The following ADRA1A variants were observed in gnomAD, a reference collection of about 807,000 sequenced individuals.
ADRA1A encodes adrenoceptor alpha 1A.
ADRA1A carries 31 observed loss-of-function variants against 29.6 expected under a neutral mutation model. The observed-to-expected ratio is 1.05, with a 90% CI of 0.79 to 1.41. ADRA1A has a LOEUF of 1.41. Among genes scored for constraint, ADRA1A ranks in the 40% most tolerant of loss-of-function variants. The probability of loss-of-function intolerance (pLI) is 0.00; values close to 1 mark genes in which losing one functional copy is unlikely to be tolerated. For missense variants in ADRA1A, 619 were observed against 601.1 expected (o/e 1.03, Z -0.31); for synonymous variants, 311 against 254.3 (o/e 1.22, Z -2.12).
In ADRA1A at chr8:26,822,521, C is replaced by T. The variant is rs577982074; in HGVS notation, c.883+41566G>A. Among the ~76,000 whole-genome samples the T allele has an allele frequency of 3.7e-4, 57 of 152,244 alleles. 1 individual carries two copies. The South Asian group carries it at 0.011, about 28-fold the overall frequency. On this transcript the variant is annotated intron_variant, in intron 2 of 2. Transcript: ENST00000380573. ...CAGACAGCACAGATTTACATTCTTA[C>T]AAAATGAAGATTACAATAATCCTCA... is the stretch of plus-strand genomic sequence containing the variant.
At chr8:26,830,572 G>A (rs545176182) in intron 2 of ADRA1A, among the ~76,000 whole-genome samples, 5 of 152,246 alleles carry the variant, frequency 3.3e-5, no homozygotes, top group Admixed American at 3.3e-4. Flanking sequence ...AACCAAAGAC[G>A]GTTTGGCTAG....
intron 2 of ADRA1A, among the ~76,000 whole-genome samples, chr8:26,781,905 G>A (rs1048266426): frequency 1.3e-5 from 2 of 152,226 alleles, no homozygotes; most frequent in Admixed American, 6.5e-5. Flanking sequence ...TTGCCAGAAA[G>A]GACACAGGTG....
intron 2 of ADRA1A, among the ~76,000 whole-genome samples, chr8:26,789,142 C>T (rs1466589011): frequency 6.6e-6 from 1 of 151,826 alleles, no homozygotes; most frequent in African/African-American, 2.4e-5. Flanking sequence ...TGATGTTCCC[C>T]TAAATTGTTT....
At chr8:26,779,810 C>T (rs1293850531) in intron 2 of ADRA1A, among the ~76,000 whole-genome samples, 3 of 152,110 alleles carry the variant, frequency 2.0e-5, no homozygotes, top group Admixed American at 6.5e-5. Context: ...GAGCACAGCA[C>T]GGTTTGGGCT....
intron 2 of ADRA1A, among the ~76,000 whole-genome samples, chr8:26,792,972 T>C (rs554815436): frequency 6.6e-6 from 1 of 152,022 alleles, no homozygotes; most frequent in East Asian, 1.9e-4. Flanking sequence ...TATATACTGT[T>C]ATGAAAGACA....
At chr8:26,794,525 C>T (rs960948382) in intron 2 of ADRA1A, among the ~76,000 whole-genome samples, 3 of 152,048 alleles carry the variant, frequency 2.0e-5, no homozygotes, top group Admixed American at 6.6e-5. Context: ...CAACCATAGT[C>T]ATTAGGTAAA....
chr8:26,770,221 A>G lies in ADRA1A; in HGVS notation c.1329T>C (p.Leu443=), dbSNP rs150174675. The G allele has an allele frequency of 3.2e-5, 51 of 1,607,788 alleles. No individual in the cohort carries two copies. The highest frequency in any genetic ancestry group is 4.3e-5 in the Non-Finnish European group (50 of 1,176,310). The change falls in exon 3 of 3, where the codon CTT becomes CTC. Residue 443 remains leucine (L), a synonymous_variant. Coordinates refer to ENST00000380573, the MANE Select transcript of ADRA1A (RefSeq NM_000680.4). Reference sequence around the variant, plus strand: ...TGGTTGGAACTTGATGGTTCTTGTCAAGGCTGGGGGTTGAGGGCCCTACAC... The same window carrying G: ...TGGTTGGAACTTGATGGTTCTTGTCGAGGCTGGGGGTTGAGGGCCCTACAC... The part of the protein sequence containing the change: ...CCCVGPSTPS[L]DKNHQVPTIK...
At chr8:26,826,670 T>G (rs555495943) in intron 2 of ADRA1A, among the ~76,000 whole-genome samples, 2 of 152,202 alleles carry the variant, frequency 1.3e-5, no homozygotes, top group Non-Finnish European at 2.9e-5. Context: ...GGATCCAGCA[T>G]GTGCCACCTT....
Position 26,864,039 on chromosome 8 carries a change from G to C in ADRA1A, c.883+48C>G. 6.5e-7 allele frequency: 1 copy of C among 1,549,006 alleles called. No individual in the cohort carries two copies. Among genetic ancestry groups the C allele is most frequent in the Non-Finnish European group, 8.7e-7 (1 of 1,147,740 alleles). On this transcript the variant is annotated intron_variant, in intron 2 of 2. Coordinates refer to ENST00000380573, the MANE Select transcript of ADRA1A (RefSeq NM_000680.4). This position sits in a 1 kb window ranked among gnomAD's most constrained non-coding sequence, Gnocchi z 8.1. ...GGAGTCTGGGGTAACAGAAGCCGAG[G>C]AGGGTGAAGACCCCCAGATGCTAAA...
intron 2 of ADRA1A, among the ~76,000 whole-genome samples, chr8:26,813,641 A>G (rs1809568401): frequency 6.6e-6 from 1 of 152,144 alleles, no homozygotes; most frequent in Admixed American, 6.5e-5. Flanking sequence ...GTGATATGGA[A>G]TTCATACAAG....
intron 2 of ADRA1A, among the ~76,000 whole-genome samples, chr8:26,773,159 T>G (rs1806301285): frequency 6.6e-6 from 1 of 152,244 alleles, no homozygotes; most frequent in Non-Finnish European, 1.5e-5. Flanking sequence ...CTGGTAGGTT[T>G]GAAATTAGGC....
Position 26,865,271 on chromosome 8 carries a change from C to G in ADRA1A, c.-302G>C. ...GCCCGGGACCCGGACTCCCTCCCTA[C>G]CCGAAGCTGGGTGCGAAGATCCAGG... is the stretch of plus-strand genomic sequence containing the variant. On this transcript the variant is annotated 5_prime_UTR_variant, in exon 2 of 3. Coordinates refer to ENST00000380573, the MANE Select transcript of ADRA1A (RefSeq NM_000680.4). The surrounding 1 kb of genome is among the most constrained non-coding windows in gnomAD (Gnocchi z 7.6). 8.0e-7 allele frequency: 1 copy of G among 1,253,424 alleles called. No individual in the cohort carries two copies. Among genetic ancestry groups the G allele is most frequent in the South Asian group, 2.2e-5 (1 of 44,982 alleles). 77.6% of individuals were successfully genotyped at this position (1,253,424 alleles called of 1,614,324 possible).
Position 26,864,363 on chromosome 8 carries a change from T to C in ADRA1A, c.607A>G (p.Met203Val). ...GCCACCACGTAGACGCGGCAGTACA[T>C]GACCAGGATGATGGCCAGAGGCAGG... ...FYLPLAIILV[M>V]YCRVYVVAKR... Residue 203 changes from methionine (M) to valine (V), a missense_variant, in exon 2 of 3, where the codon ATG (methionine) becomes GTG (valine). By Grantham distance (21) the Met-to-Val change is conservative (BLOSUM62 1). Transcript: ENST00000380573. The surrounding 1 kb of genome is among the most constrained non-coding windows in gnomAD (Gnocchi z 8.1). The C allele has an allele frequency of 6.2e-7, 1 of 1,613,984 alleles. No individual in the cohort carries two copies. Among genetic ancestry groups the C allele is most frequent in the Non-Finnish European group, 8.5e-7 (1 of 1,180,004 alleles).
At chr8:26,833,705 T>C (rs1461974121) in intron 2 of ADRA1A, among the ~76,000 whole-genome samples, 1 of 152,266 alleles carries the variant, frequency 6.6e-6, no homozygotes, top group Non-Finnish European at 1.5e-5. Context: ...TCGGCTTGCA[T>C]ATTTTCCTCA....
chr8:26,776,709 G>T (rs1021962910), intron 2 of ADRA1A, among the ~76,000 whole-genome samples: 2 of 152,186 alleles, frequency 1.3e-5, no homozygotes, highest in Non-Finnish European at 2.9e-5. Context: ...AGAGAGGGGA[G>T]TAGTATCCTC....
exon 3 of ADRA1A, chr8:26,748,361 C>G: frequency 5.5e-6 from 1 of 181,434 alleles, no homozygotes; most frequent in Admixed American, 6.0e-5. Context: ...CCGTCCAGCC[C>G]TGCTGTTTTT....
At chr8:26,826,771 G>T (rs1050844656) in intron 2 of ADRA1A, among the ~76,000 whole-genome samples, 20 of 152,160 alleles carry the variant, frequency 1.3e-4, no homozygotes, top group African/African-American at 4.8e-4. Context: ...ATTACACCAA[G>T]CCTTGCCTAG....
At chr8:26,845,297 C>T (rs78127245) in intron 2 of ADRA1A, among the ~76,000 whole-genome samples, 7,700 of 152,144 alleles carry the variant, frequency 0.051, 296 homozygotes, top group Admixed American at 0.11. Context: ...AGATATAACT[C>T]CAAAGAAGTT....
At chr8:26,767,927 T>A (rs978674953), downstream of ADRA1A, among the ~76,000 whole-genome samples, 3 of 152,182 alleles carry the variant, frequency 2.0e-5, no homozygotes, top group Non-Finnish European at 4.4e-5. Context: ...CATAGATGCC[T>A]GCCTCTATAA....
Sources: allele counts gnomAD v4.1 joint callset (sites outside exome capture counted in the v4.1 genomes callset), GRCh38; gene constraint gnomAD v4.1.1; non-coding constraint Gnocchi (gnomAD v3.1); transcripts MANE v1.5; gene names NCBI Gene and HGNC (gene_info 2026-07-23, HGNC 2026-07-21).